NDUFAF6: variants seen among roughly 807,000 people sequenced by gnomAD.
The protein encoded by NDUFAF6 is NADH dehydrogenase (ubiquinone) complex I, assembly factor 6.
Under a neutral mutation model 40.8 loss-of-function variants are expected in NDUFAF6, and 45 were observed. The ratio of observed to expected loss-of-function variants is 1.10; its 90% CI spans 0.87 to 1.42. NDUFAF6 has a LOEUF of 1.42. Among genes scored for constraint, NDUFAF6 ranks in the 40% most tolerant of loss-of-function variants. NDUFAF6 has a pLI of 0.00. For missense variants in NDUFAF6, 435 were observed against 418.5 expected, an observed-to-expected ratio of 1.04 and a Z score of -0.34; for synonymous variants, 185 against 155.9, an observed-to-expected ratio of 1.19 and a Z score of -1.39.
chr8:95,046,881 T>A, intron 5 of NDUFAF6, 113 bp from the exon 6 acceptor site: 1 of 1,431,408 alleles, frequency 7.0e-7, no homozygotes. Flanking sequence ...TTTTCAGATG[T>A]AAAACAGGAT....
upstream of NDUFAF6, among the ~76,000 whole-genome samples, chr8:95,021,452 C>T (rs1827688880): frequency 6.6e-6 from 1 of 152,056 alleles, no homozygotes; most frequent in African/African-American, 2.4e-5. Context: ...TTCTTATTTC[C>T]CTAGAAGAAT....
At chr8:95,059,351 A>G (rs1832508450), downstream of NDUFAF6, among the ~76,000 whole-genome samples, 1 of 152,298 alleles carries the variant, frequency 6.6e-6, no homozygotes, top group South Asian at 2.1e-4. Context: ...TGCATTGTTC[A>G]TTCATCTTGA....
chr8:95,115,629 C>T (rs1810116559), exon 5 of NDUFAF6: 2 of 152,064 alleles, frequency 1.3e-5, no homozygotes. Context: ...CAAACGACTG[C>T]ATCAGGAAGT....
At chr8:95,095,501 G>A (rs957061046), upstream of NDUFAF6, among the ~76,000 whole-genome samples, 1 of 152,070 alleles carries the variant, frequency 6.6e-6, no homozygotes, top group African/African-American at 2.4e-5. Flanking sequence ...TCCAGCACAC[G>A]TGGGAAGGTC....
At chr8:95,058,816 G>A (rs1832483967), downstream of NDUFAF6, 3 of 972,430 alleles carry the variant, frequency 3.1e-6, no homozygotes, top group Non-Finnish European at 3.7e-6. Flanking sequence ...GTGAAATGAG[G>A]CACATTTTTG....
In NDUFAF6 at chr8:95,058,401, T is replaced by C; in HGVS notation, c.*464T>C. 8.1e-7 allele frequency: 1 copy of C among 1,232,920 alleles called. No individual in the cohort carries two copies. Among genetic ancestry groups the C allele is most frequent in the South Asian group, 4.1e-5 (1 of 24,464 alleles). The allele number at this position is 1,232,920 out of a possible 1,614,324, so 76.4% of individuals were successfully genotyped here. A position where few individuals can be genotyped will look rare whatever the true frequency, so the allele number is the denominator to read the frequency against. Reference sequence around the variant, plus strand: ...ATTTAGGGGTCACAAATAGTGAAATTAATATTTGAGGAATATCAGTCACGT... The same window carrying C: ...ATTTAGGGGTCACAAATAGTGAAATCAATATTTGAGGAATATCAGTCACGT... On this transcript the variant is annotated 3_prime_UTR_variant, in exon 9 of 9. Transcript: ENST00000396124.
intron 1 of NDUFAF6, among the ~76,000 whole-genome samples, chr8:95,027,269 T>C (rs61166437): frequency 0.012 from 1,839 of 152,098 alleles, 43 homozygotes; most frequent in African/African-American, 0.041. Flanking sequence ...CTCTATCACT[T>C]GGGAAGGTTT....
chr8:95,090,546 T>A (rs1002977969), intron 2 of NDUFAF6, among the ~76,000 whole-genome samples: 6 of 152,190 alleles, frequency 3.9e-5, no homozygotes, highest in Non-Finnish European at 7.4e-5. Context: ...GGGCTTCAGA[T>A]AAAGTTGAGT....
At chr8:95,098,155 A>G (rs1809527424), upstream of NDUFAF6, among the ~76,000 whole-genome samples, 1 of 152,222 alleles carries the variant, frequency 6.6e-6, no homozygotes, top group Admixed American at 6.5e-5. Flanking sequence ...ATGAATCTCT[A>G]CTGCTACATC....
intron 2 of NDUFAF6, among the ~76,000 whole-genome samples, chr8:94,990,384 G>A (rs1013363430): frequency 2.6e-5 from 4 of 152,124 alleles, no homozygotes; most frequent in Admixed American, 2.6e-4. Context: ...GTGAGTTTGG[G>A]ACCAAATTGA....
At chr8:94,999,312 C>T (rs188098500) in intron 2 of NDUFAF6, among the ~76,000 whole-genome samples, 10 of 152,030 alleles carry the variant, frequency 6.6e-5, no homozygotes, top group Non-Finnish European at 1.3e-4. Context: ...TTAGTAGAGA[C>T]GGGGTTTCAC....
chr8:94,984,219 G>A (rs1360607901), intron 2 of NDUFAF6: 8 of 152,062 alleles, frequency 5.3e-5, no homozygotes, highest in Non-Finnish European at 7.4e-5. Context: ...CCATCACCTA[G>A]GTTCAATAAT....
At chr8:95,101,993 G>T (rs1249300546) in intron 2 of NDUFAF6, among the ~76,000 whole-genome samples, 1 of 71,034 alleles carries the variant, frequency 1.4e-5, no homozygotes, top group African/African-American at 7.0e-5. Context: ...ATCTAAAAAA[G>T]TATTTTTTTT....
chr8:94,982,833 G>A (rs936245786), intron 2 of NDUFAF6, among the ~76,000 whole-genome samples: 5 of 152,268 alleles, frequency 3.3e-5, no homozygotes. Flanking sequence ...GGAAGGAAGA[G>A]CCAACTAAGT....
intron 6 of NDUFAF6, 23 bp from the exon 7 acceptor site, chr8:95,048,434 A>G (rs369303292): frequency 5.8e-6 from 9 of 1,549,970 alleles, no homozygotes; most frequent in Middle Eastern, 1.7e-4. Flanking sequence ...GGTTCCTAAT[A>G]TAATGTATAT....
chr8:94,975,787 T>C (rs1014877600), intron 1 of NDUFAF6: 4 of 152,240 alleles, frequency 2.6e-5, no homozygotes, highest in African/African-American at 9.6e-5. Context: ...TGCTAATTCT[T>C]TCTAATTATA....
chr8:95,088,406 G>GT (rs1809120488), intron 2 of NDUFAF6, among the ~76,000 whole-genome samples: 1 of 152,212 alleles, frequency 6.6e-6, no homozygotes, highest in South Asian at 2.1e-4. Context: ...TTGAGCTAGA[G>GT]TTGAATATTC....
chr8:95,083,631 C>A (rs1343539309), intron 2 of NDUFAF6, among the ~76,000 whole-genome samples: 2 of 152,104 alleles, frequency 1.3e-5, no homozygotes, highest in Non-Finnish European at 2.9e-5. Context: ...AAATAGCCAT[C>A]AAAATATTTA....
At chr8:94,972,073 G>A (rs184289228) in intron 1 of NDUFAF6, among the ~76,000 whole-genome samples, 110 of 152,270 alleles carry the variant, frequency 7.2e-4, no homozygotes, top group African/African-American at 2.5e-3. Flanking sequence ...CTATCAAACT[G>A]TAGTTATTTA....
Sources: gnomAD v4.1 joint callset for allele counts (sites outside exome capture counted in the v4.1 genomes callset) on GRCh38, gnomAD v4.1.1 for gene constraint, MANE v1.5 for transcripts, NCBI Gene and HGNC (gene_info 2026-07-23, HGNC 2026-07-21) for gene names.